COQ8B: variants seen among roughly 807,000 people sequenced by gnomAD.
COQ8B encodes the protein atypical kinase COQ8B, mitochondrial.
COQ8B carries 44 observed loss-of-function variants against 62.0 expected under a neutral mutation model. The observed-to-expected ratio is 0.71, with a 90% confidence interval of 0.56 to 0.91. The LOEUF (loss-of-function observed/expected upper bound fraction) is 0.91, where lower values mean the gene tolerates loss of function less well. Among genes scored for constraint, COQ8B ranks in the 40% least tolerant of loss-of-function variants. COQ8B has a pLI of 0.00. For synonymous variants in COQ8B, 252 were observed against 289.9 expected, an observed-to-expected ratio of 0.87 and a Z score of 1.33; for missense variants, 649 against 731.6, an observed-to-expected ratio of 0.89 and a Z score of 1.30.
chr19:40,692,061 C>G lies in COQ8B; in HGVS notation c.1609G>C (p.Gly537Arg), dbSNP rs1333002720. ...AATAGSLPTKGDSWVDPS is the reference protein window; with the variant it reads ...AATAGSLPTKRDSWVDPS Reference sequence around the variant, plus strand: ...CATGAGGGATCCACCCAGGAGTCCCCTTTGGTGGGGAGGCTGCCGGCAGTG... The same window carrying G: ...CATGAGGGATCCACCCAGGAGTCCCGTTTGGTGGGGAGGCTGCCGGCAGTG... The change falls in exon 15 of 15, where the codon GGG becomes CGG. Residue 537 changes from glycine (G) to arginine (R), a missense_variant. Physicochemically the swap from Gly to Arg is moderately radical, Grantham distance 125 (BLOSUM62 -2). Transcript: ENST00000324464. The G allele has an allele frequency of 1.2e-6, 2 of 1,606,688 alleles. No individual in the cohort carries two copies. The highest frequency in any genetic ancestry group is 1.7e-6 in the Non-Finnish European group (2 of 1,176,888).
Position 40,700,089 on chromosome 19 carries a change from AG to A in COQ8B, c.1120del (p.Leu374CysfsTer9), listed in dbSNP as rs2082049442. 1 of 1,614,242 alleles carries A rather than the reference AG, an allele frequency of 6.2e-7. No individual in the cohort carries two copies. Among genetic ancestry groups the A allele is most frequent in the South Asian group, 1.1e-5 (1 of 91,088 alleles). ...AACCTGGTGGCTGGAGGCATCATACAGGAAGTTGGCCCAGTTGGGGTCAGTC... is the reference window on the plus strand; with the variant it reads ...AACCTGGTGGCTGGAGGCATCATACAGAAGTTGGCCCAGTTGGGGTCAGTC... ...MQTDPNWANFLYDASSHQVTL... is the reference protein window; with the variant it reads ...MQTDPNWANFXYDASSHQVTL... On this transcript the variant is annotated frameshift_variant, in exon 12 of 15. Transcript: ENST00000324464. LOFTEE classifies it high-confidence loss of function.
intron 13 of COQ8B, among the ~76,000 whole-genome samples, chr19:40,694,944 G>C (rs1356474232): frequency 6.6e-6 from 1 of 152,212 alleles, no homozygotes; most frequent in Non-Finnish European, 1.5e-5. Flanking sequence ...TCTGTGAGGA[G>C]GGGCCTAGGC....
At chr19:40,715,874 C>T (rs2082182021) in intron 1 of COQ8B, 1 of 145,490 alleles carries the variant, frequency 6.9e-6, no homozygotes, top group Non-Finnish European at 1.5e-5. Context: ...TGTGTGTGCG[C>T]GCGCGCGTTG....
At chr19:40,704,910 G>C (rs1212457259) in intron 7 of COQ8B, 186 bp downstream of exon 7, 3 of 583,782 alleles carry the variant, frequency 5.1e-6, no homozygotes, top group African/African-American at 1.9e-5. Context: ...AGAGAGGTCA[G>C]GCTGCTGTTC....
intron 4 of COQ8B, 137 bp downstream of exon 4, chr19:40,713,930 G>T: frequency 2.3e-6 from 2 of 879,098 alleles, no homozygotes; most frequent in Non-Finnish European, 1.8e-6. Flanking sequence ...TCTTGGCCTT[G>T]CAGGCCCTTG....
At position 40,700,412 on chromosome 19, in the gene COQ8B, G is replaced by A. The variant is rs377625253; in HGVS notation, c.933C>T (p.Ala311=). The part of the protein sequence containing the change: ...LANDPFFRVP[A]VVKELCTTRV... ...GTGTCGTGCACAGCTCCTTAACCAC[G>A]GCTGGGACCCGGAAGAAGGGGTCAT... Residue 311 remains alanine, a synonymous_variant, in exon 11 of 15, where the codon GCC becomes GCT. Transcript: ENST00000324464. 8.7e-6 allele frequency: 14 copies of A among 1,613,918 alleles called. No homozygotes were observed. The highest frequency in any genetic ancestry group is 1.7e-4 in the Middle Eastern group (1 of 6,028).
At chr19:40,697,875 G>GAGAGAGAGAGAGAGAGAGAGAGC (rs58313890) in intron 12 of COQ8B, among the ~76,000 whole-genome samples, 2 of 103,476 alleles carry the variant, frequency 1.9e-5, no homozygotes, top group Non-Finnish European at 3.8e-5. Context: ...GAGAGAGAGA[G>GAGAGAGAGAGAGAGAGAGAGAGC]AGTTTCTACT....
intron 12 of COQ8B, 24 bp downstream of exon 12, chr19:40,700,043 A>C (rs1317207592): frequency 6.3e-7 from 1 of 1,599,032 alleles, no homozygotes; most frequent in Non-Finnish European, 8.6e-7. Flanking sequence ...AAATGTACCC[A>C]GACACACATC....
chr19:40,705,902 C>T (rs1424968395), intron 5 of COQ8B, among the ~76,000 whole-genome samples: 1 of 149,832 alleles, frequency 6.7e-6, no homozygotes, highest in South Asian at 2.1e-4. Flanking sequence ...TGCACTCCAG[C>T]CTGGGCAACC....
At position 40,691,941 on chromosome 19, in the gene COQ8B, G is replaced by A; in HGVS notation, c.*94C>T. 8.1e-7 allele frequency: 1 copy of A among 1,234,664 alleles called. No homozygotes were observed. Among genetic ancestry groups the A allele is most frequent in the Non-Finnish European group, 1.1e-6 (1 of 935,370 alleles). 76.5% of individuals were successfully genotyped at this position (1,234,664 alleles called of 1,614,324 possible). The stretch of plus-strand genomic sequence containing the variant: ...GCCAGGCAAGACTGGGAAGCCCAAG[G>A]GGGCTCCTCTGACCCAGGGCAGACG... On this transcript the variant is annotated 3_prime_UTR_variant, in exon 15 of 15. Transcript: ENST00000324464.
In COQ8B at chr19:40,714,549, C is replaced by CCCCAGGG. The variant is rs2082169732; in HGVS notation, c.77_83dup (p.Pro31AlafsTer28). ...CTCTTACCCAGCGGTGGGGCCCAGG[C>CCCCAGGG]CCCAGGGCCCCACAAGGCCAACCAA... On this transcript the variant is annotated frameshift_variant, in exon 2 of 15. Transcript: ENST00000324464. LOFTEE classifies it high-confidence loss of function. 6.2e-7 allele frequency: 1 copy of CCCCAGGG among 1,613,312 alleles called. No homozygotes were observed. Among genetic ancestry groups the CCCCAGGG allele is most frequent in the South Asian group, 1.1e-5 (1 of 91,010 alleles).
chr19:40,705,174 G>A lies in COQ8B; in HGVS notation c.498C>T (p.Ser166=), dbSNP rs369387219. ...VGQMLSIQDN[S]FISPQLQHIF... The stretch of plus-strand genomic sequence containing the variant: ...TGTGCTGCAGCTGAGGGCTGATGAA[G>A]CTGTTGTCTTGGGAGACAGTGGAAC... Residue 166 remains serine (S), a synonymous_variant, in exon 7 of 15, where the codon AGC becomes AGT. Transcript: ENST00000324464. 1.9e-6 allele frequency: 3 copies of A among 1,613,468 alleles called. No individual in the cohort carries two copies. The highest frequency in any genetic ancestry group is 1.3e-5 in the African/African-American group (1 of 75,074).
chr19:40,696,648 G>C (rs1205972838), intron 12 of COQ8B, among the ~76,000 whole-genome samples: 6 of 147,072 alleles, frequency 4.1e-5, no homozygotes, highest in African/African-American at 7.6e-5. Context: ...CTGGGCAACA[G>C]AGTGAGACTC....
At position 40,702,703 on chromosome 19, in the gene COQ8B, A is replaced by T; in HGVS notation, c.800-10T>A. ...TGCTCGGCAAACAGGCCTGTGGGGGAGGTGTGTCAGCCAGGGAAGGGCCCC... is the reference window on the plus strand; with the variant it reads ...TGCTCGGCAAACAGGCCTGTGGGGGTGGTGTGTCAGCCAGGGAAGGGCCCC... On this transcript the variant is annotated splice_polypyrimidine_tract_variant and intron_variant, in intron 9 of 14. Coordinates refer to ENST00000324464, the MANE Select transcript of COQ8B (RefSeq NM_024876.4). 1 of 1,605,280 alleles carries T rather than the reference A, an allele frequency of 6.2e-7. No homozygotes were observed. The highest frequency in any genetic ancestry group is 8.5e-7 in the Non-Finnish European group (1 of 1,179,722).
At chr19:40,693,914 A>G (rs565162824) in intron 13 of COQ8B, among the ~76,000 whole-genome samples, 1 of 152,046 alleles carries the variant, frequency 6.6e-6, no homozygotes, top group African/African-American at 2.4e-5. Flanking sequence ...TTTTGTGAGG[A>G]GGGGGATTCG....
At chr19:40,711,915 G>A (rs1472685208) in intron 4 of COQ8B, among the ~76,000 whole-genome samples, 8 of 152,152 alleles carry the variant, frequency 5.3e-5, no homozygotes, top group East Asian at 3.9e-4. Flanking sequence ...GTCACAAAGC[G>A]AGGACACAGC....
At chr19:40,712,672 G>A (rs1390602998) in intron 4 of COQ8B, among the ~76,000 whole-genome samples, 1 of 152,216 alleles carries the variant, frequency 6.6e-6, no homozygotes, top group East Asian at 1.9e-4. Flanking sequence ...CAAGGTATAT[G>A]TTTCACGAAA....
chr19:40,708,295 G>A (rs570054950), intron 5 of COQ8B: 1 of 151,998 alleles, frequency 6.6e-6, no homozygotes, highest in Non-Finnish European at 1.5e-5. Flanking sequence ...AAGCTGCAGT[G>A]AGCCATGACT....
chr19:40,697,875 G>GAGAGAGAGAGAGAAAGAGAGAGAC (rs58313890), intron 12 of COQ8B, among the ~76,000 whole-genome samples: 12 of 103,468 alleles, frequency 1.2e-4, no homozygotes, highest in African/African-American at 5.1e-4. Context: ...GAGAGAGAGA[G>GAGAGAGAGAGAGAAAGAGAGAGAC]AGTTTCTACT....
Sources: gnomAD v4.1 joint callset for allele counts (sites outside exome capture counted in the v4.1 genomes callset) on GRCh38, gnomAD v4.1.1 for gene constraint, MANE v1.5 for transcripts, NCBI Gene and HGNC (gene_info 2026-07-23, HGNC 2026-07-21) for gene names.